The following GANC variants were observed in gnomAD, a reference collection of about 807,000 sequenced individuals.
The protein encoded by GANC is neutral alpha-glucosidase C.
A neutral mutation model predicts 124.2 loss-of-function variants in GANC; 117 were observed. That is an observed-to-expected ratio of 0.94 (90% CI 0.81 to 1.10). GANC has a LOEUF of 1.10. Ranked by LOEUF, GANC falls within the 50% of genes least tolerant of loss-of-function variation. The pLI, the probability that GANC is intolerant of heterozygous loss-of-function variation, is 0.00. For synonymous variants in GANC, 377 were observed against 376.8 expected, an observed-to-expected ratio of 1.00 and a Z score of -0.01; for missense variants, 1,140 against 1,095.0, an observed-to-expected ratio of 1.04 and a Z score of -0.58.
chr15:42,322,660 T>C (rs1249945400), intron 11 of GANC, among the ~76,000 whole-genome samples: 1 of 152,082 alleles, frequency 6.6e-6, no homozygotes, highest in East Asian at 1.9e-4. Flanking sequence ...AAATATCAAA[T>C]ATGGTATCAA....
At position 42,326,306 on chromosome 15, in the gene GANC, C is replaced by T. The variant is rs2052198092; in HGVS notation, c.1302C>T (p.Val434=). 6.2e-7 allele frequency: 1 copy of T among 1,605,448 alleles called. No homozygotes were observed. The highest frequency in any genetic ancestry group is 8.5e-7 in the Non-Finnish European group (1 of 1,172,112). The change falls in exon 12 of 24, where the codon GTC becomes GTT. Residue 434 remains valine (V), a synonymous_variant. Coordinates refer to ENST00000318010, the MANE Select transcript of GANC (RefSeq NM_198141.3). ...LLRSKKRKLV[V]ISDPHIKIDP... is the part of the protein sequence containing the mutation. Reference sequence around the variant, plus strand: ...CCTTCATGTCCTGACAGCTTGTGGTCATCAGTGATCCCCACATCAAGATTG... The same window carrying T: ...CCTTCATGTCCTGACAGCTTGTGGTTATCAGTGATCCCCACATCAAGATTG...
rs1595762355 is a variant in GANC, at chr15:42,282,211, C to T, written c.201+3621C>T. ...TGGCATGTGCCTGTAGTCCCAGCTA[C>T]TCAGGAGGCTGAGGCAGGAGAATTG... On this transcript the variant is annotated intron_variant, in intron 3 of 23. Transcript: ENST00000318010. 1.3e-5 allele frequency among the ~76,000 whole-genome samples: 2 copies of T among 152,266 alleles called. 1 individual carries two copies. Among genetic ancestry groups the T allele is most frequent in the Non-Finnish European group, 2.9e-5 (2 of 68,026 alleles).
chr15:42,277,173 G>A (rs892805103), intron 2 of GANC, among the ~76,000 whole-genome samples: 15 of 152,138 alleles, frequency 9.9e-5, no homozygotes, highest in African/African-American at 3.6e-4. Flanking sequence ...CATTTGAAAT[G>A]TGTTAACTAT....
chr15:42,328,797 T>C (rs1057251275), intron 13 of GANC, among the ~76,000 whole-genome samples: 1 of 152,220 alleles, frequency 6.6e-6, no homozygotes, highest in Admixed American at 6.5e-5. Flanking sequence ...CACTCTAAAC[T>C]GAACAGTTCT....
chr15:42,287,406 G>T (rs1368263958), intron 3 of GANC, among the ~76,000 whole-genome samples: 2 of 152,256 alleles, frequency 1.3e-5, no homozygotes, highest in East Asian at 1.9e-4. Flanking sequence ...CTGTCTTTCA[G>T]TGTAATTATT....
intron 19 of GANC, among the ~76,000 whole-genome samples, chr15:42,343,880 G>A (rs2052345222): frequency 6.6e-6 from 1 of 152,294 alleles, no homozygotes; most frequent in Admixed American, 6.5e-5. Context: ...GGAAGGGAGA[G>A]CAGGAAGGAG....
chr15:42,276,173 T>C (rs1035940462), intron 1 of GANC, 175 bp from the exon 2 acceptor site: 14 of 478,334 alleles, frequency 2.9e-5, no homozygotes, highest in Non-Finnish European at 5.0e-5. Flanking sequence ...CAAAAGGCTA[T>C]TGTTCTGCAA....
chr15:42,339,032 G>A (rs112478449), intron 16 of GANC, among the ~76,000 whole-genome samples: 14,750 of 152,130 alleles, frequency 0.097, 838 homozygotes, highest in South Asian at 0.18. Flanking sequence ...TCAATATGGA[G>A]GGGGCTCAAG....
At chr15:42,283,940 C>T in intron 3 of GANC, 4 of 702,588 alleles carry the variant, frequency 5.7e-6, no homozygotes, top group Non-Finnish European at 1.0e-5. Context: ...AAAATCAGTG[C>T]TTGCAATAAA....
intron 4 of GANC, among the ~76,000 whole-genome samples, chr15:42,291,641 A>G (rs2051843059): frequency 6.6e-6 from 1 of 152,162 alleles, no homozygotes; most frequent in South Asian, 2.1e-4. Flanking sequence ...CCCTGATTTC[A>G]GTGGAGATAA....
At chr15:42,294,345 A>T (rs2051870925) in intron 5 of GANC, among the ~76,000 whole-genome samples, 1 of 151,144 alleles carries the variant, frequency 6.6e-6, no homozygotes, top group Non-Finnish European at 1.5e-5. Context: ...AGGCCGAGGC[A>T]GGTGGATCAC....
chr15:42,289,703 T>C (rs1459036149), intron 4 of GANC, among the ~76,000 whole-genome samples: 1 of 152,198 alleles, frequency 6.6e-6, no homozygotes, highest in Admixed American at 6.5e-5. Flanking sequence ...AGGATGTATT[T>C]ACCTATAGAG....
chr15:42,279,592 A>G (rs1006201511), intron 3 of GANC, among the ~76,000 whole-genome samples: 5 of 152,210 alleles, frequency 3.3e-5, no homozygotes, highest in Admixed American at 3.3e-4. Context: ...GGGCTGTGCT[A>G]GGAAGTGTGA....
chr15:42,346,176 C>T (rs2052361455), intron 20 of GANC, among the ~76,000 whole-genome samples: 1 of 152,176 alleles, frequency 6.6e-6, no homozygotes, highest in Non-Finnish European at 1.5e-5. Flanking sequence ...TCCATAAAGG[C>T]CTGATCTCCA....
chr15:42,346,660 CA>C (rs1475595135), intron 20 of GANC, among the ~76,000 whole-genome samples: 1 of 152,052 alleles, frequency 6.6e-6, no homozygotes, highest in East Asian at 1.9e-4. Context: ...ACACTGAAAA[CA>C]AAAAACATGG....
chr15:42,320,677 G>T lies in GANC; in HGVS notation c.1058-1108G>T, dbSNP rs145879052. ...TTGGCCAGGCTGGTCTCGAACTCCT[G>T]ACTTCAAGTGATCCACCCACCCCGG... On this transcript the variant is annotated intron_variant, in intron 10 of 23. Transcript: ENST00000318010. 2.2e-4 allele frequency among the ~76,000 whole-genome samples: 33 copies of T among 152,262 alleles called. 1 individual carries two copies. In the East Asian group the frequency reaches 6.0e-3, roughly 28 times the overall value.
In GANC at chr15:42,349,378, T is replaced by C; in HGVS notation, c.2419-5T>C. ...CACATTCTGTCTCTGTGATTCATTC[T>C]CCAGGGTTCTTCAGTGGGTGAGTTA... On this transcript the variant is annotated splice_region_variant and splice_polypyrimidine_tract_variant and intron_variant, in intron 21 of 23. Transcript: ENST00000318010. 1 of 1,548,820 alleles carries C rather than the reference T, an allele frequency of 6.5e-7. No homozygotes were observed.
chr15:42,349,230 G>C (rs1247098092), intron 21 of GANC, among the ~76,000 whole-genome samples, 153 bp from the exon 22 acceptor site: 2 of 152,170 alleles, frequency 1.3e-5, no homozygotes, highest in Non-Finnish European at 2.9e-5. Context: ...AGGAGTGATT[G>C]GCTATTGAAT....
chr15:42,336,802 C>T (rs921648007), intron 15 of GANC, among the ~76,000 whole-genome samples: 4 of 151,938 alleles, frequency 2.6e-5, no homozygotes, highest in Non-Finnish European at 5.9e-5. Context: ...AACAAACAGC[C>T]CCATTAAAAA....
Sources: gnomAD v4.1 joint callset for allele counts (sites outside exome capture counted in the v4.1 genomes callset) on GRCh38, gnomAD v4.1.1 for gene constraint, MANE v1.5 for transcripts, NCBI Gene and HGNC (gene_info 2026-07-23, HGNC 2026-07-21) for gene names.